The following NAALADL2 variants were observed in gnomAD, a reference collection of about 807,000 sequenced individuals.
NAALADL2 encodes the protein N-acetylated alpha-linked acidic dipeptidase like 2.
In NAALADL2, 76 loss-of-function variants were observed where a neutral mutation model predicts 87.2. The observed-to-expected ratio is 0.87, with a 90% CI of 0.72 to 1.05. The LOEUF is 1.05. Ranked by LOEUF, NAALADL2 falls within the 50% of genes least tolerant of loss-of-function variation. The pLI is 0.00. For missense variants in NAALADL2, 1,089 were observed against 945.8 expected, an observed-to-expected ratio of 1.15 and a Z score of -1.99; for synonymous variants, 354 against 331.0, an observed-to-expected ratio of 1.07 and a Z score of -0.75.
At chr3:175,395,562 C>G (rs748901540) in intron 5 of NAALADL2, among the ~76,000 whole-genome samples, 135 of 152,264 alleles carry the variant, frequency 8.9e-4, no homozygotes, top group Non-Finnish European at 1.3e-3. Flanking sequence ...ATCCCAACAA[C>G]AGCCCTGAAT....
At chr3:174,541,540 C>T (rs2108467167) in intron 1 of NAALADL2, among the ~76,000 whole-genome samples, 1 of 152,254 alleles carries the variant, frequency 6.6e-6, no homozygotes, top group East Asian at 1.9e-4. Context: ...AATCATTCAA[C>T]ATATTCTAAG....
chr3:175,153,004 A>G (rs1378093493), intron 2 of NAALADL2, among the ~76,000 whole-genome samples: 2 of 152,158 alleles, frequency 1.3e-5, no homozygotes, highest in East Asian at 3.9e-4. Context: ...GAAAAATTAC[A>G]CATTCATAAG....
At chr3:174,668,666 G>A (rs1185852332) in intron 2 of NAALADL2, among the ~76,000 whole-genome samples, 2 of 152,204 alleles carry the variant, frequency 1.3e-5, no homozygotes, top group Non-Finnish European at 2.9e-5. Flanking sequence ...GTGAGAACAT[G>A]CAGTGTTTGG....
intron 1 of NAALADL2, among the ~76,000 whole-genome samples, chr3:175,052,813 A>G (rs1274842433): frequency 6.6e-6 from 1 of 152,200 alleles, no homozygotes; most frequent in African/African-American, 2.4e-5. Context: ...GTAAAGGGCC[A>G]TATCATTTGA....
intron 9 of NAALADL2, among the ~76,000 whole-genome samples, chr3:175,505,090 T>C (rs951154579): frequency 6.6e-6 from 1 of 152,074 alleles, no homozygotes; most frequent in African/African-American, 2.4e-5. Flanking sequence ...CCAGTCACCA[T>C]GTAAAAATCT....
At chr3:175,061,519 G>C (rs1713479402) in intron 1 of NAALADL2, among the ~76,000 whole-genome samples, 1 of 152,010 alleles carries the variant, frequency 6.6e-6, no homozygotes, top group African/African-American at 2.4e-5. Flanking sequence ...GCTGGCTAAA[G>C]TGATGGCAAA....
chr3:175,004,295 C>T (rs2108774741), intron 1 of NAALADL2, among the ~76,000 whole-genome samples: 1 of 140,838 alleles, frequency 7.1e-6, no homozygotes, highest in African/African-American at 2.6e-5. Flanking sequence ...CACATGGGAG[C>T]TTGAGCTTAG....
chr3:175,714,851 C>T (rs951214153), intron 11 of NAALADL2, among the ~76,000 whole-genome samples: 1 of 151,962 alleles, frequency 6.6e-6, no homozygotes. Context: ...GAAACTGGAC[C>T]CCTTCCTTAC....
At chr3:174,609,252 A>G (rs1719499095) in intron 2 of NAALADL2, among the ~76,000 whole-genome samples, 4 of 152,176 alleles carry the variant, frequency 2.6e-5, no homozygotes, top group African/African-American at 9.7e-5. Context: ...GAAAACTGGC[A>G]CAAGACAGGG....
chr3:174,619,063 T>A (rs572195699), intron 2 of NAALADL2, among the ~76,000 whole-genome samples: 2 of 152,016 alleles, frequency 1.3e-5, no homozygotes, highest in South Asian at 4.1e-4. Flanking sequence ...ACAAGTTACC[T>A]TTTTACATTG....
chr3:174,583,370 G>T (rs1046165251), intron 2 of NAALADL2, among the ~76,000 whole-genome samples: 1 of 152,152 alleles, frequency 6.6e-6, no homozygotes, highest in Non-Finnish European at 1.5e-5. Context: ...ATTCTGGAAG[G>T]CCATACAGAC....
At chr3:175,149,105 T>G (rs1203687504) in intron 2 of NAALADL2, among the ~76,000 whole-genome samples, 4 of 152,188 alleles carry the variant, frequency 2.6e-5, no homozygotes, top group Admixed American at 6.6e-5. Context: ...TCCTTTTTTG[T>G]GTGTGTCATC....
At chr3:175,305,562 G>T (rs916285043) in intron 4 of NAALADL2, among the ~76,000 whole-genome samples, 4 of 150,962 alleles carry the variant, frequency 2.6e-5, no homozygotes, top group Admixed American at 2.0e-4. Flanking sequence ...TGCTCTTGTT[G>T]TCCAGGCTGG....
chr3:175,269,275 C>A (rs1447057728), intron 4 of NAALADL2, among the ~76,000 whole-genome samples: 1 of 152,012 alleles, frequency 6.6e-6, no homozygotes. Context: ...GAAGTACACT[C>A]TAAAATAGCA....
intron 5 of NAALADL2, among the ~76,000 whole-genome samples, chr3:175,345,524 C>A (rs1763064680): frequency 1.3e-5 from 2 of 152,056 alleles, no homozygotes; most frequent in African/African-American, 2.4e-5. Context: ...AGGAAAGGAG[C>A]TTTCTGTTGT....
chr3:174,928,644 G>A (rs536977737), intron 1 of NAALADL2, among the ~76,000 whole-genome samples: 82 of 152,304 alleles, frequency 5.4e-4, no homozygotes, highest in Middle Eastern at 3.4e-3. Context: ...AACAGAAATT[G>A]CCAAGCAAAC....
intron 1 of NAALADL2, among the ~76,000 whole-genome samples, chr3:174,529,016 A>C (rs1466381736): frequency 6.6e-6 from 1 of 152,100 alleles, no homozygotes; most frequent in Non-Finnish European, 1.5e-5. Flanking sequence ...ACAGTCCCCC[A>C]AAATCTTAAC....
chr3:174,685,946 C>T (rs1489956114), intron 2 of NAALADL2, among the ~76,000 whole-genome samples: 1 of 151,362 alleles, frequency 6.6e-6, no homozygotes, highest in Non-Finnish European at 1.5e-5. Flanking sequence ...TGTTAGTTTG[C>T]TAAAGATAAT....
At chr3:175,160,421 G>A (rs1177650476) in intron 2 of NAALADL2, among the ~76,000 whole-genome samples, 9 of 96,626 alleles carry the variant, frequency 9.3e-5, no homozygotes, top group African/African-American at 4.5e-4. Context: ...GCCCAGGCTG[G>A]AGTGCTCCGC....
Sources: gnomAD v4.1 joint callset for allele counts (sites outside exome capture counted in the v4.1 genomes callset) on GRCh38, gnomAD v4.1.1 for gene constraint, MANE v1.5 for transcripts, NCBI Gene and HGNC (gene_info 2026-07-23, HGNC 2026-07-21) for gene names.